The following MAGI1 variants were observed in gnomAD, a reference collection of about 807,000 sequenced individuals.
MAGI1 encodes the protein membrane-associated guanylate kinase, WW and PDZ domain-containing protein 1.
MAGI1 carries 58 observed loss-of-function variants against 139.9 expected under a neutral mutation model. The observed-to-expected ratio is 0.41, with a 90% confidence interval of 0.34 to 0.52. The LOEUF is 0.52. MAGI1 is among the 20% of genes least tolerant of loss of function. The pLI is 0.12. For missense variants in MAGI1, 1,874 were observed against 1,901.6 expected (o/e 0.99, Z 0.27); for synonymous variants, 812 against 737.9 (o/e 1.10, Z -1.63).
chr3:66,010,325 C>G (rs926101772), intron 1 of MAGI1, among the ~76,000 whole-genome samples: 4 of 152,096 alleles, frequency 2.6e-5, no homozygotes, highest in African/African-American at 9.7e-5. Flanking sequence ...GCCTTGGCCA[C>G]TCCTCAGGGC....
chr3:65,439,940 C>T lies in MAGI1; in HGVS notation c.1209G>A (p.Gln403=), dbSNP rs762658149. Residue 403 remains glutamine, a synonymous_variant, in exon 9 of 23, where the codon CAG becomes CAA. Coordinates refer to ENST00000402939, the MANE Select transcript of MAGI1 (RefSeq NM_001033057.2). ...EAKRKKQLEQ[Q]QQQQQQQQQQ... The stretch of plus-strand genomic sequence containing the variant: ...GTTGCTGCTGCTGTTGCTGCTGCTG[C>T]TGCTGCTCAAGCTGCTTCTTCCGTT... 38 of 1,610,564 alleles carry T rather than the reference C, an allele frequency of 2.4e-5. No individual in the cohort carries two copies. In the East Asian group the frequency reaches 7.6e-4, roughly 32 times the overall value.
chr3:65,797,119 A>T (rs2040196932), intron 1 of MAGI1, among the ~76,000 whole-genome samples: 1 of 152,166 alleles, frequency 6.6e-6, no homozygotes, highest in African/African-American at 2.4e-5. Context: ...TTTGCTAGTC[A>T]CTTTTAAGTG....
chr3:65,548,305 C>T (rs1440164662), intron 2 of MAGI1, among the ~76,000 whole-genome samples: 1 of 152,026 alleles, frequency 6.6e-6, no homozygotes, highest in South Asian at 2.1e-4. Context: ...TGAAGCATCC[C>T]AATGAGGGAC....
At chr3:65,545,813 C>T (rs2079467721) in intron 2 of MAGI1, among the ~76,000 whole-genome samples, 1 of 151,992 alleles carries the variant, frequency 6.6e-6, no homozygotes, top group Non-Finnish European at 1.5e-5. Context: ...CAAAAGCTTG[C>T]AGGCACTTAG....
At chr3:65,921,205 G>T (rs1251553919) in intron 1 of MAGI1, among the ~76,000 whole-genome samples, 1 of 152,020 alleles carries the variant, frequency 6.6e-6, no homozygotes, top group African/African-American at 2.4e-5. Flanking sequence ...CATGTTGGAA[G>T]AAAGCTACTA....
intron 2 of MAGI1, among the ~76,000 whole-genome samples, chr3:65,602,946 GA>G (rs1559710655): frequency 6.6e-6 from 1 of 152,058 alleles, no homozygotes; most frequent in Admixed American, 6.5e-5. Context: ...TCATGTATAA[GA>G]GAATACCATG....
At chr3:65,393,592 A>G (rs1575595405) in intron 13 of MAGI1, among the ~76,000 whole-genome samples, 1 of 152,134 alleles carries the variant, frequency 6.6e-6, no homozygotes, top group South Asian at 2.1e-4. Context: ...GGGGAAAGAT[A>G]TTTTAAATGT....
rs1408198852 is a variant in MAGI1, at chr3:65,606,518, ATTTG to A, written c.430+15450_430+15453del. 4.1e-5 allele frequency among the ~76,000 whole-genome samples: 6 copies of A among 147,836 alleles called. No individual in the cohort carries two copies. In the South Asian group the frequency reaches 6.5e-4, roughly 16 times the overall value. On this transcript the variant is annotated intron_variant, in intron 2 of 22. Coordinates refer to ENST00000402939, the MANE Select transcript of MAGI1 (RefSeq NM_001033057.2). ...ACCACACCCGGATGTTTATTTATTTATTTGTTTGTTTATTTTTGAGATCGAATCT... is the reference window on the plus strand; with the variant it reads ...ACCACACCCGGATGTTTATTTATTTATTTGTTTATTTTTGAGATCGAATCT...
chr3:65,616,127 GA>G (rs781621576), intron 2 of MAGI1, among the ~76,000 whole-genome samples: 6 of 152,130 alleles, frequency 3.9e-5, no homozygotes, highest in Non-Finnish European at 7.4e-5. Context: ...ACCACAATAA[GA>G]AACATTCACT....
At chr3:65,635,858 G>A (rs1376142680) in intron 1 of MAGI1, among the ~76,000 whole-genome samples, 3 of 152,238 alleles carry the variant, frequency 2.0e-5, no homozygotes, top group Non-Finnish European at 4.4e-5. Context: ...TGGGGCCAGA[G>A]TTCTAGGTGC....
chr3:65,902,223 C>T (rs2061259554), intron 1 of MAGI1, among the ~76,000 whole-genome samples: 1 of 152,164 alleles, frequency 6.6e-6, no homozygotes, highest in Admixed American at 6.5e-5. Flanking sequence ...AGAGAGAAAA[C>T]TCTCACATCG....
At chr3:65,505,517 T>A (rs1006872502) in intron 2 of MAGI1, among the ~76,000 whole-genome samples, 1 of 151,806 alleles carries the variant, frequency 6.6e-6, no homozygotes, top group African/African-American at 2.4e-5. Context: ...TAGTGGCACG[T>A]GCCTGTAGTC....
chr3:65,747,935 G>C (rs2035836757), intron 1 of MAGI1, among the ~76,000 whole-genome samples: 1 of 152,354 alleles, frequency 6.6e-6, no homozygotes, highest in African/African-American at 2.4e-5. Context: ...AGAGAAGCCA[G>C]TGAGCCAAAT....
chr3:65,401,449 CTCT>C lies in MAGI1; in HGVS notation c.2186_2188del (p.Lys729del), dbSNP rs1207523045. 2.1e-6 allele frequency: 3 copies of C among 1,399,938 alleles called. No individual in the cohort carries two copies. Among genetic ancestry groups the C allele is most frequent in the Non-Finnish European group, 2.9e-6 (3 of 1,047,082 alleles). The allele number at this position is 1,399,938 out of a possible 1,614,324, so 86.7% of individuals were successfully genotyped here. A position where few individuals can be genotyped will look rare whatever the true frequency, so the allele number is the denominator to read the frequency against. On this transcript the variant is annotated inframe_deletion, in exon 13 of 23. Transcript: ENST00000402939. ...CTGACAAGTCCTTACCGACTTTGGG[CTCT>C]TCTTGGGAACTGGCAGCCCTGGAAA... is the stretch of plus-strand genomic sequence containing the variant.
chr3:65,553,187 G>A (rs2079930571), intron 2 of MAGI1, among the ~76,000 whole-genome samples: 1 of 151,390 alleles, frequency 6.6e-6, no homozygotes, highest in Admixed American at 6.6e-5. Context: ...GAAAAATTAA[G>A]TCTGATTTAA....
intron 1 of MAGI1, among the ~76,000 whole-genome samples, chr3:65,953,334 T>C (rs1470412376): frequency 1.3e-5 from 2 of 152,164 alleles, no homozygotes; most frequent in Non-Finnish European, 2.9e-5. Context: ...AGCTCCTCAG[T>C]CTCAGGGCAG....
At chr3:65,618,340 A>G (rs376444736) in intron 2 of MAGI1, among the ~76,000 whole-genome samples, 60 of 152,296 alleles carry the variant, frequency 3.9e-4, no homozygotes, top group African/African-American at 1.4e-3. Context: ...CAAAGAAAAG[A>G]TCTAATGGAA....
intron 4 of MAGI1, among the ~76,000 whole-genome samples, chr3:65,476,245 T>C (rs1458485260): frequency 6.6e-6 from 1 of 152,174 alleles, no homozygotes; most frequent in Non-Finnish European, 1.5e-5. Context: ...ACAGTCAACG[T>C]GCTCCATACA....
At chr3:65,967,422 T>C (rs1011307770) in intron 1 of MAGI1, among the ~76,000 whole-genome samples, 1 of 152,134 alleles carries the variant, frequency 6.6e-6, no homozygotes, top group African/African-American at 2.4e-5. Context: ...ACGCCAATAA[T>C]GTCAGGATGA....
Sources: gnomAD v4.1 joint callset for allele counts (sites outside exome capture counted in the v4.1 genomes callset) on GRCh38, gnomAD v4.1.1 for gene constraint, MANE v1.5 for transcripts, NCBI Gene and HGNC (gene_info 2026-07-23, HGNC 2026-07-21) for gene names.